The following PRR16 variants were observed in gnomAD, a reference collection of about 807,000 sequenced individuals.
The protein encoded by PRR16 is protein Largen.
Under a neutral mutation model 18.2 loss-of-function variants are expected in PRR16, and 6 were observed. The ratio of observed to expected loss-of-function variants is 0.33; its 90% CI spans 0.18 to 0.65. PRR16 has a LOEUF of 0.65. PRR16 is among the 30% of genes least tolerant of loss of function. The probability of loss-of-function intolerance (pLI) is 0.74; values close to 1 mark genes in which losing one functional copy is unlikely to be tolerated. For synonymous variants in PRR16, 151 were observed against 147.8 expected (o/e 1.02, Z -0.16); for missense variants, 412 against 376.6 (o/e 1.09, Z -0.78).
intron 1 of PRR16, among the ~76,000 whole-genome samples, chr5:120,684,125 G>A (rs1375522511): frequency 6.6e-6 from 1 of 152,154 alleles, no homozygotes; most frequent in Admixed American, 6.5e-5. Context: ...TGAGTGAAAG[G>A]GTGATATCAA....
At chr5:120,542,328 A>T (rs1332488642) in intron 1 of PRR16, among the ~76,000 whole-genome samples, 1 of 152,118 alleles carries the variant, frequency 6.6e-6, no homozygotes, top group African/African-American at 2.4e-5. Context: ...CAGTATTTTT[A>T]AATATTCCTT....
At chr5:120,760,328 T>G in the PRR16 span, among the ~76,000 whole-genome samples, 1 of 152,132 alleles carries the variant, frequency 6.6e-6, no homozygotes, top group African/African-American at 2.4e-5. Context: ...GTTTCAAATA[T>G]ATATGAAAAT....
At chr5:120,668,041 G>A (rs1580856830) in intron 1 of PRR16, among the ~76,000 whole-genome samples, 1 of 152,250 alleles carries the variant, frequency 6.6e-6, no homozygotes, top group African/African-American at 2.4e-5. Context: ...TCTGTCTAAT[G>A]TTGACAGTGG....
rs539605790 is a variant in PRR16, at chr5:120,677,096, A to G, written c.160-8858A>G. Among the ~76,000 whole-genome samples, 4 of 152,352 alleles carry G rather than the reference A, an allele frequency of 2.6e-5. No individual in the cohort carries two copies. In the East Asian group the frequency reaches 7.7e-4, roughly 29 times the overall value. ...ACACATATCAATTCATATACAGTCT[A>G]TCAGAAATACTGTGATCTAGCAGCA... On this transcript the variant is annotated intron_variant, in intron 1 of 1. Coordinates refer to ENST00000407149, the MANE Select transcript of PRR16 (RefSeq NM_001300783.2).
At chr5:120,536,938 A>G (rs528358920) in intron 1 of PRR16, among the ~76,000 whole-genome samples, 1 of 152,374 alleles carries the variant, frequency 6.6e-6, no homozygotes, top group Non-Finnish European at 1.5e-5. Flanking sequence ...TGATTAGCAC[A>G]GGAACAGAAA....
At chr5:120,630,237 T>C (rs1344237789) in intron 1 of PRR16, among the ~76,000 whole-genome samples, 2 of 152,188 alleles carry the variant, frequency 1.3e-5, no homozygotes, top group East Asian at 3.8e-4. Flanking sequence ...CATTTTGTCT[T>C]GTTCATTTTC....
At chr5:120,710,724 A>G in the PRR16 span, 2 of 152,206 alleles carry the variant, frequency 1.3e-5, no homozygotes, top group Admixed American at 1.3e-4. Flanking sequence ...AAAAATTGCC[A>G]AAGTCGAATA....
At chr5:120,726,107 T>A in the PRR16 span, among the ~76,000 whole-genome samples, 1 of 152,108 alleles carries the variant, frequency 6.6e-6, no homozygotes, top group Admixed American at 6.6e-5. Flanking sequence ...CAGTACTGAA[T>A]ATAGTGAATA....
chr5:120,568,061 T>TAGTA (rs1344657372), intron 1 of PRR16, among the ~76,000 whole-genome samples: 1 of 152,204 alleles, frequency 6.6e-6, no homozygotes, highest in Non-Finnish European at 1.5e-5. Context: ...AACACATTAG[T>TAGTA]AGTACCTTCT....
chr5:120,690,052 T>G (rs1018073279), downstream of PRR16, among the ~76,000 whole-genome samples: 1 of 152,154 alleles, frequency 6.6e-6, no homozygotes, highest in Non-Finnish European at 1.5e-5. Context: ...AAGAAATGAA[T>G]CTACTATCAG....
At chr5:120,623,208 A>G (rs888270746) in intron 1 of PRR16, among the ~76,000 whole-genome samples, 1 of 152,156 alleles carries the variant, frequency 6.6e-6, no homozygotes, top group East Asian at 1.9e-4. Context: ...AAAAACATAT[A>G]AAAGGGGAAA....
At chr5:120,713,945 T>G in the PRR16 span, among the ~76,000 whole-genome samples, 1 of 152,178 alleles carries the variant, frequency 6.6e-6, no homozygotes, top group Non-Finnish European at 1.5e-5. Context: ...ATTTGAAAAC[T>G]GTTCCCTGTT....
At chr5:120,603,828 G>A (rs1206240057) in intron 1 of PRR16, among the ~76,000 whole-genome samples, 1 of 151,824 alleles carries the variant, frequency 6.6e-6, no homozygotes, top group Non-Finnish European at 1.5e-5. Context: ...TAGTTCAGGA[G>A]CAGGTTATTT....
intron 1 of PRR16, among the ~76,000 whole-genome samples, chr5:120,603,242 C>T (rs192780516): frequency 3.9e-5 from 6 of 151,976 alleles, no homozygotes; most frequent in Non-Finnish European, 8.8e-5. Flanking sequence ...ATTTGGAACT[C>T]GTAATTAGTC....
the PRR16 span, among the ~76,000 whole-genome samples, chr5:120,716,890 AAAAC>A: frequency 6.7e-6 from 1 of 148,188 alleles, no homozygotes; most frequent in Admixed American, 6.6e-5. Flanking sequence ...AAAACAAAAT[AAAAC>A]AAACAAAAAT....
At chr5:120,564,303 C>T (rs1316618712) in intron 1 of PRR16, among the ~76,000 whole-genome samples, 1 of 152,038 alleles carries the variant, frequency 6.6e-6, no homozygotes, top group Non-Finnish European at 1.5e-5. Context: ...GCCTCTGAGC[C>T]CAGCCCAACA....
intron 1 of PRR16, among the ~76,000 whole-genome samples, chr5:120,682,888 T>C (rs770326642): frequency 1.4e-4 from 22 of 152,192 alleles, no homozygotes; most frequent in Admixed American, 7.9e-4. Flanking sequence ...CTCGGAGCAT[T>C]TACTTAACAA....
intron 1 of PRR16, among the ~76,000 whole-genome samples, chr5:120,490,512 T>G (rs1749991045): frequency 6.6e-6 from 1 of 152,188 alleles, no homozygotes; most frequent in African/African-American, 2.4e-5. Flanking sequence ...TCAGGTCCTT[T>G]AAGGACTTCT....
chr5:120,523,983 G>T (rs1435268392), intron 1 of PRR16, among the ~76,000 whole-genome samples: 1 of 152,140 alleles, frequency 6.6e-6, no homozygotes, highest in South Asian at 2.1e-4. Flanking sequence ...ACTTGGATAT[G>T]AACTTTGAAC....
Sources: allele counts gnomAD v4.1 joint callset (sites outside exome capture counted in the v4.1 genomes callset), GRCh38; gene constraint gnomAD v4.1.1; transcripts MANE v1.5; gene names NCBI Gene and HGNC (gene_info 2026-07-23, HGNC 2026-07-21).